The following EFNA5 variants were observed in gnomAD, a reference collection of about 807,000 sequenced individuals.
EFNA5 encodes ephrin A5.
A neutral mutation model predicts 22.9 loss-of-function variants in EFNA5; 5 were observed. That is an observed-to-expected ratio of 0.22 (90% CI 0.11 to 0.46). The LOEUF (loss-of-function observed/expected upper bound fraction) is 0.46, where lower values mean the gene tolerates loss of function less well. Among genes scored for constraint, EFNA5 ranks in the 20% least tolerant of loss-of-function variants. The pLI is 0.99. For synonymous variants in EFNA5, 113 were observed against 112.2 expected, an observed-to-expected ratio of 1.01 and a Z score of -0.04; for missense variants, 237 against 293.3, an observed-to-expected ratio of 0.81 and a Z score of 1.40.
chr5:107,575,803 G>C (rs1748916827), intron 1 of EFNA5, among the ~76,000 whole-genome samples: 1 of 152,102 alleles, frequency 6.6e-6, no homozygotes, highest in South Asian at 2.1e-4. Context: ...CAGCATCTAG[G>C]ATTCCACCTA....
intron 4 of EFNA5, 60 bp from the exon 5 acceptor site, chr5:107,381,436 A>C (rs1747456217): frequency 5.8e-6 from 9 of 1,547,874 alleles, no homozygotes; most frequent in Non-Finnish European, 7.0e-6. Context: ...ACTCTCTTGC[A>C]GCAGCCTGCT....
chr5:107,408,214 T>C (rs940871064), intron 2 of EFNA5, among the ~76,000 whole-genome samples: 3 of 151,808 alleles, frequency 2.0e-5, no homozygotes, highest in African/African-American at 7.3e-5. Context: ...TCACCATCAC[T>C]GCTGCCACCA....
chr5:107,575,509 C>T (rs1748910042), intron 1 of EFNA5, among the ~76,000 whole-genome samples: 1 of 152,048 alleles, frequency 6.6e-6, no homozygotes, highest in South Asian at 2.1e-4. Flanking sequence ...AGATACTTTT[C>T]ATGCAGTTTT....
At chr5:107,615,635 C>T (rs1749897842) in intron 1 of EFNA5, among the ~76,000 whole-genome samples, 1 of 152,144 alleles carries the variant, frequency 6.6e-6, no homozygotes, top group South Asian at 2.1e-4. Flanking sequence ...GCATCCTTTC[C>T]TCTCTGGTTT....
At chr5:107,656,528 T>C (rs1464436063) in intron 1 of EFNA5, among the ~76,000 whole-genome samples, 3 of 152,190 alleles carry the variant, frequency 2.0e-5, no homozygotes, top group Non-Finnish European at 2.9e-5. Flanking sequence ...TGTAAGAATG[T>C]ATTTTCTATG....
chr5:107,385,000 C>T (rs1407705652), intron 4 of EFNA5, among the ~76,000 whole-genome samples: 2 of 151,844 alleles, frequency 1.3e-5, no homozygotes, highest in African/African-American at 2.4e-5. Context: ...AGATACTCAC[C>T]AGCAAGCCCT....
intron 1 of EFNA5, among the ~76,000 whole-genome samples, chr5:107,538,940 C>T (rs183249932): frequency 3.3e-5 from 5 of 152,208 alleles, no homozygotes; most frequent in East Asian, 1.9e-4. Context: ...TCTGTATTTC[C>T]GGCTTATACA....
intron 1 of EFNA5, among the ~76,000 whole-genome samples, chr5:107,491,990 A>C (rs58484473): frequency 6.6e-6 from 1 of 151,982 alleles, no homozygotes; most frequent in Non-Finnish European, 1.5e-5. Flanking sequence ...GCGCGCCACT[A>C]TGCCAGGCTA....
intron 1 of EFNA5, among the ~76,000 whole-genome samples, chr5:107,458,012 T>A (rs938047376): frequency 2.1e-4 from 32 of 152,140 alleles, no homozygotes; most frequent in African/African-American, 7.5e-4. Flanking sequence ...AAGATTCAAG[T>A]CCCCTTATCT....
intron 1 of EFNA5, among the ~76,000 whole-genome samples, chr5:107,556,238 A>C (rs1341277461): frequency 1.3e-5 from 2 of 152,204 alleles, no homozygotes; most frequent in African/African-American, 4.8e-5. Flanking sequence ...AACCAGGAGA[A>C]CTACATTTAA....
intron 1 of EFNA5, among the ~76,000 whole-genome samples, chr5:107,556,614 C>T (rs1035172400): frequency 6.6e-6 from 1 of 151,732 alleles, no homozygotes; most frequent in Non-Finnish European, 1.5e-5. Context: ...GGCATGGTAG[C>T]GGGTACCTGT....
chr5:107,649,203 C>T (rs1750683643), intron 1 of EFNA5, among the ~76,000 whole-genome samples: 1 of 152,046 alleles, frequency 6.6e-6, no homozygotes, highest in Non-Finnish European at 1.5e-5. Flanking sequence ...AGTCCCAGAG[C>T]AATCGATGAC....
chr5:107,579,481 C>T (rs1748995870), intron 1 of EFNA5, among the ~76,000 whole-genome samples: 1 of 151,684 alleles, frequency 6.6e-6, no homozygotes, highest in African/African-American at 2.4e-5. Flanking sequence ...TTTAGAACTG[C>T]ATGACAGACA....
At chr5:107,499,714 G>C (rs1747087743) in intron 1 of EFNA5, among the ~76,000 whole-genome samples, 1 of 152,062 alleles carries the variant, frequency 6.6e-6, no homozygotes, top group South Asian at 2.1e-4. Flanking sequence ...CAGTTAGCAG[G>C]GTTGCTATTT....
intron 2 of EFNA5, among the ~76,000 whole-genome samples, chr5:107,397,687 T>C (rs112221472): frequency 4.1e-4 from 63 of 152,318 alleles, no homozygotes; most frequent in African/African-American, 1.4e-3. Flanking sequence ...TAGATAGAAA[T>C]ATCCATTCAT....
chr5:107,544,641 G>A (rs146858449), intron 1 of EFNA5, among the ~76,000 whole-genome samples: 10 of 152,124 alleles, frequency 6.6e-5, no homozygotes, highest in Admixed American at 4.6e-4. Context: ...CAATTCAGGC[G>A]CTGGTCCTGC....
intron 1 of EFNA5, among the ~76,000 whole-genome samples, chr5:107,561,093 C>T (rs1748531883): frequency 6.6e-6 from 1 of 152,126 alleles, no homozygotes. Context: ...ATCCTAGGTT[C>T]CCCAAACTCT....
rs535657900 is a variant in EFNA5, at chr5:107,543,442, G to A, written c.126-115933C>T. 4.1e-4 allele frequency among the ~76,000 whole-genome samples: 62 copies of A among 152,314 alleles called. No homozygotes were observed. The South Asian group carries it at 5.2e-3, about 13-fold the overall frequency. ...TTTCTCATGGCTGGATGGAAATGAA[G>A]GGGAAAGTTATCTTCCTTACCCAAA... On this transcript the variant is annotated intron_variant, in intron 1 of 4. Transcript: ENST00000333274.
intron 1 of EFNA5, among the ~76,000 whole-genome samples, chr5:107,474,833 G>T (rs1027518197): frequency 4.6e-5 from 7 of 152,286 alleles, no homozygotes; most frequent in Admixed American, 1.3e-4. Flanking sequence ...CAACATAAAT[G>T]AATGACTAAT....
Sources: allele counts gnomAD v4.1 joint callset (sites outside exome capture counted in the v4.1 genomes callset), GRCh38; gene constraint gnomAD v4.1.1; transcripts MANE v1.5; gene names NCBI Gene and HGNC (gene_info 2026-07-23, HGNC 2026-07-21).